The following C14orf119 variants were observed in gnomAD, a reference collection of about 807,000 sequenced individuals.
The protein encoded by C14orf119 is uncharacterized protein C14orf119.
In C14orf119, 17 loss-of-function variants were observed where a neutral mutation model predicts 13.5. The observed-to-expected ratio is 1.26, with a 90% CI of 0.86 to 1.88. The LOEUF is 1.88. Ranked by LOEUF, C14orf119 falls within the 40% of genes most tolerant of loss-of-function variation. C14orf119 has a pLI of 0.00. For synonymous variants in C14orf119, 61 were observed against 61.9 expected, an observed-to-expected ratio of 0.99 and a Z score of 0.07; for missense variants, 162 against 165.9, an observed-to-expected ratio of 0.98 and a Z score of 0.13.
intron 1 of C14orf119, among the ~76,000 whole-genome samples, chr14:23,096,508 CAAAAA>C (rs61586635): frequency 8.0e-5 from 5 of 62,656 alleles, no homozygotes; most frequent in Non-Finnish European, 8.2e-5. Context: ...GACTCCGTCT[CAAAAA>C]AAAAAAAAAA....
chr14:23,097,620 C>A, intron 1 of C14orf119, 38 bp from the exon 2 acceptor site: 1 of 1,571,748 alleles, frequency 6.4e-7, no homozygotes, highest in Non-Finnish European at 8.7e-7. Flanking sequence ...TTTCGTTGCT[C>A]TACCTGGAGA....
chr14:23,099,442 A>G lies in C14orf119; in HGVS notation c.*1361A>G. ...CAGCATTAGGCAGAGTCCCATGGAC[A>G]GCCTTAGGTGGGTCATGGAGGGATT... On this transcript the variant is annotated 3_prime_UTR_variant, in exon 2 of 2. Transcript: ENST00000319074. 2.4e-6 allele frequency: 1 copy of G among 413,430 alleles called. No individual in the cohort carries two copies. The highest frequency in any genetic ancestry group is 1.3e-4 in the South Asian group (1 of 7,866). The allele number at this position is 413,430 out of a possible 1,614,324, so 25.6% of individuals were successfully genotyped here.
Position 23,097,805 on chromosome 14 carries a change from G to A in C14orf119, c.147G>A (p.Trp49Ter). 1 of 1,614,156 alleles carries A rather than the reference G, an allele frequency of 6.2e-7. No homozygotes were observed. Among genetic ancestry groups the A allele is most frequent in the Non-Finnish European group, 8.5e-7 (1 of 1,180,026 alleles). ...GTATTCTTCACTGGTTTGCCAATTG[G>A]TCAGGTCCCCAGCGTGAACGTTTCC... ...MKCILHWFAN[W>*]SGPQRERFLE... Residue 49 changes from tryptophan (W) to a stop codon, truncating the protein, a stop_gained, in exon 2 of 2, where the codon TGG becomes TGA. Transcript: ENST00000319074. LOFTEE classifies it high-confidence loss of function.
rs1405361457 is a variant in C14orf119, at chr14:23,098,724, T to C, written c.*643T>C. ...TGGAGTGCAGTGGCATGATCATCAG[T>C]GAGCGTGAGATCACTGTAACCTCAA... On this transcript the variant is annotated 3_prime_UTR_variant, in exon 2 of 2. Transcript: ENST00000319074. The C allele has an allele frequency of 1.2e-5, 2 of 167,248 alleles. No homozygotes were observed. The highest frequency in any genetic ancestry group is 2.9e-5 in the Non-Finnish European group (2 of 68,816). The allele number at this position is 167,248 out of a possible 1,614,324, so 10.4% of individuals were successfully genotyped here.
chr14:23,096,541 G>T (rs1179531817), intron 1 of C14orf119, among the ~76,000 whole-genome samples: 2 of 144,088 alleles, frequency 1.4e-5, no homozygotes, highest in Non-Finnish European at 3.0e-5. Flanking sequence ...AAAATTGCAA[G>T]GCACCAATAG....
rs1046279280 is a variant in C14orf119, at chr14:23,097,840, T to C, written c.182T>C (p.Leu61Pro). ...GPQRERFLED[L>P]VAKAVPEKLQ... ...CAGCGTGAACGTTTCCTAGAGGACC[T>C]GGTAGCTAAGGCAGTGCCAGAAAAA... Residue 61 changes from leucine to proline, a missense_variant, in exon 2 of 2, where the codon CTG (leucine) becomes CCG (proline). Coordinates refer to ENST00000319074, the MANE Select transcript of C14orf119 (RefSeq NM_017924.4). The C allele has an allele frequency of 6.2e-7, 1 of 1,614,110 alleles. No individual in the cohort carries two copies. The highest frequency in any genetic ancestry group is 1.3e-5 in the African/African-American group (1 of 74,942).
At chr14:23,096,508 C>CAAAAAAAAAAAAAAAAA (rs61586635) in intron 1 of C14orf119, among the ~76,000 whole-genome samples, 1 of 62,676 alleles carries the variant, frequency 1.6e-5, no homozygotes, top group African/African-American at 8.0e-5. Flanking sequence ...GACTCCGTCT[C>CAAAAAAAAAAAAAAAAA]AAAAAAAAAA....
At position 23,097,647 on chromosome 14, in the gene C14orf119, T is replaced by C. The variant is rs1335054592; in HGVS notation, c.-1-11T>C. ...ACCTGGAGAGCATATAACAGTGCTT[T>C]TATGTTTCAGGATGCCACTGGAGTC... On this transcript the variant is annotated splice_polypyrimidine_tract_variant and intron_variant, in intron 1 of 1. Coordinates refer to ENST00000319074, the MANE Select transcript of C14orf119 (RefSeq NM_017924.4). 6 of 1,610,398 alleles carry C rather than the reference T, an allele frequency of 3.7e-6. No individual in the cohort carries two copies. The highest frequency in any genetic ancestry group is 1.6e-4 in the Middle Eastern group (1 of 6,070).
At position 23,098,037 on chromosome 14, in the gene C14orf119, G is replaced by A. The variant is rs1032505038; in HGVS notation, c.379G>A (p.Ala127Thr). 5 of 1,614,124 alleles carry A rather than the reference G, an allele frequency of 3.1e-6. No individual in the cohort carries two copies. The highest frequency in any genetic ancestry group is 4.2e-6 in the Non-Finnish European group (5 of 1,180,026). ...GGAGTTCAGTGAGCCAGACTTCGTG[G>A]CAAAGTTTTACCAAGCAGTGGCTGC... ...QLEFSEPDFVAKFYQAVAATA... is the reference protein window; with the variant it reads ...QLEFSEPDFVTKFYQAVAATA... Residue 127 changes from alanine to threonine, a missense_variant, in exon 2 of 2, where the codon GCA (alanine) becomes ACA (threonine). Ala to Thr is a moderately conservative substitution (Grantham distance 58). Coordinates refer to ENST00000319074, the MANE Select transcript of C14orf119 (RefSeq NM_017924.4).
In C14orf119 at chr14:23,098,897, C is replaced by T. The variant is rs982001438; in HGVS notation, c.*816C>T. 5.9e-6 allele frequency: 1 copy of T among 168,890 alleles called. No individual in the cohort carries two copies. Among genetic ancestry groups the T allele is most frequent in the Admixed American group, 6.5e-5 (1 of 15,386 alleles). The allele number at this position is 168,890 out of a possible 1,614,324, so 10.5% of individuals were successfully genotyped here. The stretch of plus-strand genomic sequence containing the variant: ...TAGTCTGGTCTTGAACTGCTGGCCT[C>T]AAGCGATCCATTCTCACCTTGGCCT... On this transcript the variant is annotated 3_prime_UTR_variant, in exon 2 of 2. Coordinates refer to ENST00000319074, the MANE Select transcript of C14orf119 (RefSeq NM_017924.4).
chr14:23,098,318 T>G lies in C14orf119; in HGVS notation c.*237T>G. The G allele has an allele frequency of 2.0e-6, 1 of 493,036 alleles. No individual in the cohort carries two copies. Among genetic ancestry groups the G allele is most frequent in the East Asian group, 3.5e-5 (1 of 28,574 alleles). The allele number at this position is 493,036 out of a possible 1,614,324, so 30.5% of individuals were successfully genotyped here. A position where few individuals can be genotyped will look rare whatever the true frequency, so the allele number is the denominator to read the frequency against. ...CTCATCAGTCTACTAGTTTGCTTCT[T>G]TCCGAGAGATGTCAAGTCCTCAAGA... On this transcript the variant is annotated 3_prime_UTR_variant, in exon 2 of 2. Coordinates refer to ENST00000319074, the MANE Select transcript of C14orf119 (RefSeq NM_017924.4).
chr14:23,095,588 A>C lies in C14orf119; in HGVS notation c.-33A>C. 1 of 387,272 alleles carries C rather than the reference A, an allele frequency of 2.6e-6. No individual in the cohort carries two copies. The highest frequency in any genetic ancestry group is 4.8e-5 in the East Asian group (1 of 20,792). 24.0% of individuals were successfully genotyped at this position (387,272 alleles called of 1,614,324 possible). ...AGTTGGAGTCTAAGGACTCGTGACA[A>C]TCTTCGGGTGCCCTTCGAGAGAAAA... On this transcript the variant is annotated 5_prime_UTR_variant, in exon 1 of 2. Transcript: ENST00000319074.
chr14:23,095,902 G>T (rs2048363529), intron 1 of C14orf119, among the ~76,000 whole-genome samples: 1 of 152,228 alleles, frequency 6.6e-6, no homozygotes, highest in South Asian at 2.1e-4. Flanking sequence ...TGCCTTGGAA[G>T]CCATGTGGCA....
Position 23,098,247 on chromosome 14 carries a change from T to C in C14orf119, c.*166T>C. 1 of 652,650 alleles carries C rather than the reference T, an allele frequency of 1.5e-6. No individual in the cohort carries two copies. The highest frequency in any genetic ancestry group is 2.0e-5 in the South Asian group (1 of 49,036). 40.4% of individuals were successfully genotyped at this position (652,650 alleles called of 1,614,324 possible). A position where few individuals can be genotyped will look rare whatever the true frequency, so the allele number is the denominator to read the frequency against. ...TGGTTATTTCAACATTAATAGCATG[T>C]CAACTGGACTCCTATTTGTAAATGT... On this transcript the variant is annotated 3_prime_UTR_variant, in exon 2 of 2. Coordinates refer to ENST00000319074, the MANE Select transcript of C14orf119 (RefSeq NM_017924.4).
chr14:23,098,079 T>G lies in C14orf119; in HGVS notation c.421T>G (p.Ter141GlyextTer1), dbSNP rs1594800747. The stretch of plus-strand genomic sequence containing the variant: ...AGTGGCTGCTACAGCTGGTAAGGAC[T>G]GATAGGCATTCAGACCAAAGAAGAT... Reference protein sequence around the residue: ...QAVAATAGKD* With the variant: ...QAVAATAGKDG The change falls in exon 2 of 2, where the codon TGA (stop) becomes GGA (glycine). Residue 141 changes from the stop codon to glycine, a stop_lost. Coordinates refer to ENST00000319074, the MANE Select transcript of C14orf119 (RefSeq NM_017924.4). 5.0e-6 allele frequency: 8 copies of G among 1,612,398 alleles called. No individual in the cohort carries two copies. In the East Asian group the frequency reaches 1.8e-4, roughly 36 times the overall value.
chr14:23,099,705 G>A lies in C14orf119; in HGVS notation c.*1624G>A, dbSNP rs985488149. 3.9e-5 allele frequency: 13 copies of A among 335,284 alleles called. No individual in the cohort carries two copies. Among genetic ancestry groups the A allele is most frequent in the South Asian group, 1.6e-4 (1 of 6,366 alleles). 20.8% of individuals were successfully genotyped at this position (335,284 alleles called of 1,614,324 possible). A position where few individuals can be genotyped will look rare whatever the true frequency, so the allele number is the denominator to read the frequency against. On this transcript the variant is annotated 3_prime_UTR_variant, in exon 2 of 2. Coordinates refer to ENST00000319074, the MANE Select transcript of C14orf119 (RefSeq NM_017924.4). ...CTTCCGAATAGCTGGGACTACAGGC[G>A]CACGCCGCACCACCACGTCTGGCTA...
rs976334374 is a variant in C14orf119, at chr14:23,099,642, C to T, written c.*1561C>T. ...TGGTGTGATCTTGGCTCACCGTAAT[C>T]TCCGCCTCCCAGGCTCAAGCAATTC... On this transcript the variant is annotated 3_prime_UTR_variant, in exon 2 of 2. Transcript: ENST00000319074. The T allele has an allele frequency of 2.7e-6, 1 of 371,696 alleles. No individual in the cohort carries two copies. The highest frequency in any genetic ancestry group is 4.8e-6 in the Non-Finnish European group (1 of 209,740). The allele number at this position is 371,696 out of a possible 1,614,324, so 23.0% of individuals were successfully genotyped here.
Position 23,100,258 on chromosome 14 carries a change from AAAG to A in C14orf119, c.*2186_*2188del, listed in dbSNP as rs555417001. 5.4e-4 allele frequency: 188 copies of A among 347,276 alleles called. No individual in the cohort carries two copies. The highest frequency in any genetic ancestry group is 5.8e-4 in the Non-Finnish European group (107 of 184,980). The allele number at this position is 347,276 out of a possible 1,614,324, so 21.5% of individuals were successfully genotyped here. ...TGACAGAGCGAGACCCTGTCTCAAAAAAGAAGAAGAAAAAGGTGGGGGGAGGGG... is the reference window on the plus strand; with the variant it reads ...TGACAGAGCGAGACCCTGTCTCAAAAAAGAAGAAAAAGGTGGGGGGAGGGG... On this transcript the variant is annotated 3_prime_UTR_variant, in exon 2 of 2. Coordinates refer to ENST00000319074, the MANE Select transcript of C14orf119 (RefSeq NM_017924.4).
rs2048395729 is a variant in C14orf119 at position 23,097,649 on chromosome 14, A to G, written c.-1-9A>G. 3 of 1,610,722 alleles carry G rather than the reference A, an allele frequency of 1.9e-6. No homozygotes were observed. The highest frequency in any genetic ancestry group is 2.5e-6 in the Non-Finnish European group (3 of 1,177,154). On this transcript the variant is annotated splice_polypyrimidine_tract_variant and intron_variant, in intron 1 of 1. Coordinates refer to ENST00000319074, the MANE Select transcript of C14orf119 (RefSeq NM_017924.4). ...CTGGAGAGCATATAACAGTGCTTTTATGTTTCAGGATGCCACTGGAGTCAT... is the reference window on the plus strand; with the variant it reads ...CTGGAGAGCATATAACAGTGCTTTTGTGTTTCAGGATGCCACTGGAGTCAT...
Sources: gnomAD v4.1 joint callset for allele counts (sites outside exome capture counted in the v4.1 genomes callset) on GRCh38, gnomAD v4.1.1 for gene constraint, MANE v1.5 for transcripts, NCBI Gene and HGNC (gene_info 2026-07-23, HGNC 2026-07-21) for gene names.